Variants in EFL1 observed in about 807,000 individuals in gnomAD.
The protein encoded by EFL1 is elongation factor like GTPase 1.
Under a neutral mutation model 126.7 loss-of-function variants are expected in EFL1, and 76 were observed. The ratio of observed to expected loss-of-function variants is 0.60; its 90% confidence interval spans 0.50 to 0.73. The LOEUF (loss-of-function observed/expected upper bound fraction) is 0.73, where lower values mean the gene tolerates loss of function less well. Ranked by LOEUF, EFL1 falls within the 30% of genes least tolerant of loss-of-function variation. EFL1 has a pLI of 0.00. For missense variants in EFL1, 1,128 were observed against 1,343.2 expected, an observed-to-expected ratio of 0.84 and a Z score of 2.50; for synonymous variants, 410 against 448.4, an observed-to-expected ratio of 0.91 and a Z score of 1.08.
chr15:82,252,214 G>A (rs1454727111), intron 4 of EFL1, among the ~76,000 whole-genome samples: 1 of 152,124 alleles, frequency 6.6e-6, no homozygotes, highest in East Asian at 1.9e-4. Flanking sequence ...ACTTTTTAGT[G>A]AATATCAGTG....
At position 82,256,850 on chromosome 15, in the gene EFL1, T is replaced by G. The variant is rs1440072228; in HGVS notation, c.159+2238A>C. 4.6e-5 allele frequency among the ~76,000 whole-genome samples: 7 copies of G among 152,230 alleles called. No homozygotes were observed. In the South Asian group the frequency reaches 6.2e-4, roughly 13 times the overall value. Reference sequence around the variant, plus strand: ...GATATGAATAATCATCTTTTTATACTATGCTGAATTGTTTGTTAATGAGGA... The same window carrying G: ...GATATGAATAATCATCTTTTTATACGATGCTGAATTGTTTGTTAATGAGGA... On this transcript the variant is annotated intron_variant, in intron 3 of 19. Transcript: ENST00000268206.
intron 15 of EFL1, among the ~76,000 whole-genome samples, chr15:82,205,899 G>T (rs2074519799): frequency 6.6e-6 from 1 of 152,228 alleles, no homozygotes; most frequent in South Asian, 2.1e-4. Flanking sequence ...ACTTCAGACA[G>T]TGAAAATGAG....
intron 15 of EFL1, among the ~76,000 whole-genome samples, chr15:82,202,276 C>G (rs1421751321): frequency 6.6e-6 from 1 of 151,856 alleles, no homozygotes; most frequent in Non-Finnish European, 1.5e-5. Flanking sequence ...GTACTCTTTT[C>G]CTATTTTTTT....
intron 3 of EFL1, among the ~76,000 whole-genome samples, chr15:82,253,805 G>C (rs2075044657): frequency 6.6e-6 from 1 of 151,964 alleles, no homozygotes. Context: ...TCATTTTCTA[G>C]GCCTTGCAGT....
Position 82,151,813 on chromosome 15 carries a change from G to A in EFL1, c.2641C>T (p.Pro881Ser), listed in dbSNP as rs72749532. ...SGFQLATLSG[P>S]MCEEPLMGVC... ...CCCATGAGAGGCTCCTCACACATGG[G>A]GCCAGAGAGGGTTGCTAGTTGGAAG... is the stretch of plus-strand genomic sequence containing the variant. The change falls in exon 18 of 20, where the codon CCC becomes TCC. Residue 881 changes from proline (P) to serine (S), a missense_variant. Pro to Ser is a moderately conservative substitution (Grantham distance 74, BLOSUM62 -1). This residue lies in a region of EFL1 where 561 missense variants were observed against 641.7 expected (regional missense o/e 0.87). Coordinates refer to ENST00000268206, the MANE Select transcript of EFL1 (RefSeq NM_024580.6). The A allele has an allele frequency of 2.5e-6, 4 of 1,613,902 alleles. No individual in the cohort carries two copies. Among genetic ancestry groups the A allele is most frequent in the African/African-American group, 1.3e-5 (1 of 74,860 alleles).
chr15:82,154,353 T>C (rs758162265), intron 17 of EFL1, among the ~76,000 whole-genome samples: 2 of 152,174 alleles, frequency 1.3e-5, no homozygotes, highest in Admixed American at 6.5e-5. Flanking sequence ...GGAGACAATA[T>C]AGTCTCCTTG....
At chr15:82,191,277 C>T (rs1438561744) in intron 15 of EFL1, among the ~76,000 whole-genome samples, 1 of 152,060 alleles carries the variant, frequency 6.6e-6, no homozygotes. Context: ...TTACTTCAAG[C>T]GTAAAGTTTT....
intron 4 of EFL1, among the ~76,000 whole-genome samples, chr15:82,252,083 A>T (rs987360545): frequency 8.5e-5 from 13 of 152,210 alleles, no homozygotes; most frequent in African/African-American, 2.9e-4. Flanking sequence ...CCTGTACAAT[A>T]ACATATATAT....
intron 12 of EFL1, among the ~76,000 whole-genome samples, chr15:82,221,538 G>A (rs2074712306): frequency 6.6e-6 from 1 of 152,142 alleles, no homozygotes. Flanking sequence ...CTAGTATCCA[G>A]GACTAGACAC....
rs145085522 is a variant in EFL1 at position 82,220,475 on chromosome 15, T to C, written c.1293-246A>G. 6.6e-3 allele frequency among the ~76,000 whole-genome samples: 1,004 copies of C among 152,308 alleles called. 10 individuals are homozygous for C. The highest frequency in any genetic ancestry group is 0.023 in the African/African-American group (939 of 41,562). Reference sequence around the variant, plus strand: ...GCCCAAGTCCCCATCTGGAGCAATGTACAATAGTATGGAACCTTTCTCAGA... The same window carrying C: ...GCCCAAGTCCCCATCTGGAGCAATGCACAATAGTATGGAACCTTTCTCAGA... On this transcript the variant is annotated intron_variant, in intron 12 of 19. Coordinates refer to ENST00000268206, the MANE Select transcript of EFL1 (RefSeq NM_024580.6).
chr15:82,130,644 G>A (rs576789270), intron 19 of EFL1, 83 bp from the exon 20 acceptor site: 1 of 1,426,198 alleles, frequency 7.0e-7, no homozygotes, highest in East Asian at 2.3e-5. Flanking sequence ...AATTTATATA[G>A]TCTTAGCTAA....
intron 17 of EFL1, among the ~76,000 whole-genome samples, chr15:82,153,580 A>G (rs1441128198): frequency 2.0e-5 from 3 of 152,210 alleles, no homozygotes; most frequent in African/African-American, 7.2e-5. Flanking sequence ...AGATTAAGTA[A>G]TTTCTCCAAA....
intron 3 of EFL1, among the ~76,000 whole-genome samples, chr15:82,256,799 G>C (rs2075070574): frequency 6.6e-6 from 1 of 152,086 alleles, no homozygotes; most frequent in African/African-American, 2.4e-5. Flanking sequence ...AACCAATCTT[G>C]AATTCCTTGG....
At position 82,228,264 on chromosome 15, in the gene EFL1, T is replaced by C; in HGVS notation, c.996A>G (p.Ala332=). 6.2e-7 allele frequency: 1 copy of C among 1,614,142 alleles called. No individual in the cohort carries two copies. The highest frequency in any genetic ancestry group is 1.1e-5 in the South Asian group (1 of 91,072). ...SLGLKIGARE[A]RHSDPKVQIN... is the part of the protein sequence containing the mutation. ...TCTGAACTTTAGGGTCTGAATGTCG[T>C]GCCTCCCGGGCTCCAATTTTTAATC... Residue 332 remains alanine, a synonymous_variant, in exon 10 of 20, where the codon GCA becomes GCG. Coordinates refer to ENST00000268206, the MANE Select transcript of EFL1 (RefSeq NM_024580.6).
At chr15:82,177,852 T>C (rs1033822312) in intron 15 of EFL1, among the ~76,000 whole-genome samples, 1 of 152,166 alleles carries the variant, frequency 6.6e-6, no homozygotes, top group Non-Finnish European at 1.5e-5. Flanking sequence ...AAATATTTCT[T>C]TGGCTCTGAG....
chr15:82,142,394 G>A (rs1173778070), intron 18 of EFL1, among the ~76,000 whole-genome samples: 4 of 152,108 alleles, frequency 2.6e-5, no homozygotes, highest in Admixed American at 2.6e-4. Flanking sequence ...GGGGACTAAG[G>A]CAGGAGGATC....
intron 18 of EFL1, among the ~76,000 whole-genome samples, chr15:82,144,769 AG>A (rs1400240766): frequency 1.3e-5 from 2 of 150,554 alleles, no homozygotes; most frequent in Non-Finnish European, 3.0e-5. Flanking sequence ...CCAAGGAGGG[AG>A]GATCATGAGG....
chr15:82,231,287 A>G (rs2074819734), intron 7 of EFL1, among the ~76,000 whole-genome samples: 1 of 152,194 alleles, frequency 6.6e-6, no homozygotes, highest in Non-Finnish European at 1.5e-5. Context: ...AGAAAATGCA[A>G]GCTCCAGCTG....
At chr15:82,229,860 G>A (rs773484944) in intron 8 of EFL1, among the ~76,000 whole-genome samples, 1 of 152,122 alleles carries the variant, frequency 6.6e-6, no homozygotes, top group Non-Finnish European at 1.5e-5. Flanking sequence ...ATAACAGGGT[G>A]CTTACTGAAT....
Sources: allele counts gnomAD v4.1 joint callset (sites outside exome capture counted in the v4.1 genomes callset), GRCh38; gene constraint gnomAD v4.1.1; regional missense constraint gnomAD v4.1.1; transcripts MANE v1.5; gene names NCBI Gene and HGNC (gene_info 2026-07-23, HGNC 2026-07-21).